The following TAF5 variants were observed in gnomAD, a reference collection of about 807,000 sequenced individuals.
TAF5 encodes transcription initiation factor TFIID subunit 5.
TAF5 carries 20 observed loss-of-function variants against 80.9 expected under a neutral mutation model. The ratio of observed to expected loss-of-function variants is 0.25; its 90% CI spans 0.17 to 0.36. TAF5 has a LOEUF of 0.36. TAF5 is among the 10% of genes least tolerant of loss of function. The probability of loss-of-function intolerance (pLI) is 1.00; values close to 1 mark genes in which losing one functional copy is unlikely to be tolerated. For synonymous variants in TAF5, 388 were observed against 406.4 expected (o/e 0.95, Z 0.55); for missense variants, 863 against 1,029.4 (o/e 0.84, Z 2.21).
At position 103,378,278 on chromosome 10, in the gene TAF5, G is replaced by A. The variant is rs980402587; in HGVS notation, c.841G>A (p.Val281Ile). Residue 281 changes from valine (V) to isoleucine (I), a missense_variant, in exon 3 of 11, where the codon GTA becomes ATA. By Grantham distance (29) the Val-to-Ile change is conservative. This residue lies in a region of TAF5 where 128 missense variants were observed against 232.2 expected (regional missense o/e 0.55). Coordinates refer to ENST00000369839, the MANE Select transcript of TAF5 (RefSeq NM_006951.5). This position sits in a 1 kb window ranked among gnomAD's most constrained non-coding sequence, Gnocchi z 4.1. ...QECYYQDDLRVLSSLTKKEHM... is the reference protein window; with the variant it reads ...QECYYQDDLRILSSLTKKEHM... ...ATGTTATTACCAGGATGACCTACGA[G>A]TATTATCTAGTCTTACCAAAAAGGA... is the stretch of plus-strand genomic sequence containing the variant. 2.5e-6 allele frequency: 4 copies of A among 1,614,038 alleles called. No individual in the cohort carries two copies. In the African/African-American group the frequency reaches 5.3e-5, roughly 22 times the overall value.
intron 8 of TAF5, among the ~76,000 whole-genome samples, chr10:103,386,623 C>T (rs1019481047): frequency 2.6e-5 from 4 of 150,982 alleles, no homozygotes; most frequent in East Asian, 3.9e-4. Context: ...TTGCTGGAAC[C>T]GAGTTTGAAT....
chr10:103,368,125 G>GGCGGCGGCGGGAACGTT lies in TAF5; in HGVS notation c.143_159dup (p.Ser54AlafsTer96). 1 of 1,399,630 alleles carries GGCGGCGGCGGGAACGTT rather than the reference G, an allele frequency of 7.1e-7. No individual in the cohort carries two copies. The allele number at this position is 1,399,630 out of a possible 1,614,324, so 86.7% of individuals were successfully genotyped here. Reference sequence around the variant, plus strand: ...CGGCACTACCAACAACGGCCCCAACGGCGGCGGCGGGAACGTTGCGGCGTC... The same window carrying GGCGGCGGCGGGAACGTT: ...CGGCACTACCAACAACGGCCCCAACGGCGGCGGCGGGAACGTTGCGGCGGCGGGAACGTTGCGGCGTC... On this transcript the variant is annotated frameshift_variant, in exon 1 of 11. Coordinates refer to ENST00000369839, the MANE Select transcript of TAF5 (RefSeq NM_006951.5). LOFTEE classifies it high-confidence loss of function.
rs2093374365 is a variant in TAF5 at position 103,378,359 on chromosome 10, C to T, written c.922C>T (p.Arg308Cys). 1 of 1,614,076 alleles carries T rather than the reference C, an allele frequency of 6.2e-7. No individual in the cohort carries two copies. The highest frequency in any genetic ancestry group is 8.5e-7 in the Non-Finnish European group (1 of 1,180,018). Residue 308 changes from arginine (R) to cysteine (C), a missense_variant, in exon 3 of 11, where the codon CGT becomes TGT. By Grantham distance (180) the Arg-to-Cys change is radical. Coordinates refer to ENST00000369839, the MANE Select transcript of TAF5 (RefSeq NM_006951.5). This position sits in a 1 kb window ranked among gnomAD's most constrained non-coding sequence, Gnocchi z 4.1. ...LDFRTSKFVL[R>C]ISRDSYQLLK... ...TTTTCGAACAAGTAAATTTGTTCTGCGTATTTCCCGTGACTCGTACCAACT... is the reference window on the plus strand; with the variant it reads ...TTTTCGAACAAGTAAATTTGTTCTGTGTATTTCCCGTGACTCGTACCAACT...
intron 1 of TAF5, 60 bp downstream of exon 1, chr10:103,368,608 A>C (rs1199710762): frequency 5.6e-6 from 8 of 1,433,966 alleles, no homozygotes; most frequent in African/African-American, 4.4e-5. Flanking sequence ...CCGGTAAGGC[A>C]GGGGCTGGCA....
chr10:103,387,435 A>G, intron 9 of TAF5, 83 bp downstream of exon 9: 1 of 1,549,202 alleles, frequency 6.5e-7, no homozygotes, highest in African/African-American at 1.4e-5. Flanking sequence ...CATAAATTTT[A>G]AAGATACCAT....
At chr10:103,380,931 T>G (rs1414555013) in intron 5 of TAF5, among the ~76,000 whole-genome samples, 7 of 151,814 alleles carry the variant, frequency 4.6e-5, no homozygotes, top group Non-Finnish European at 1.0e-4. Context: ...ATATAAACCT[T>G]ATTTTATTTT....
At chr10:103,373,972 T>C (rs2133625732) in intron 2 of TAF5, among the ~76,000 whole-genome samples, 1 of 152,138 alleles carries the variant, frequency 6.6e-6, no homozygotes, top group East Asian at 1.9e-4. Flanking sequence ...TGGTATACTA[T>C]GAAGCTGGGA....
chr10:103,373,231 G>A, intron 1 of TAF5, 127 bp from the exon 2 acceptor site: 1 of 745,630 alleles, frequency 1.3e-6, no homozygotes, highest in South Asian at 1.8e-5. Context: ...ATTGTGTTGA[G>A]GAAGAGACAG....
At chr10:103,375,711 G>A (rs2093368770) in intron 2 of TAF5, among the ~76,000 whole-genome samples, 1 of 151,952 alleles carries the variant, frequency 6.6e-6, no homozygotes, top group African/African-American at 2.4e-5. Flanking sequence ...GAGATACACA[G>A]GAAGAAAACC....
chr10:103,383,506 G>C, intron 7 of TAF5, 139 bp downstream of exon 7: 1 of 823,222 alleles, frequency 1.2e-6, no homozygotes, highest in Non-Finnish European at 1.7e-6. Flanking sequence ...TCATCTTTTA[G>C]AATCTTGCCA....
chr10:103,380,713 C>G (rs2093380852), intron 5 of TAF5, among the ~76,000 whole-genome samples: 1 of 150,328 alleles, frequency 6.7e-6, no homozygotes, highest in South Asian at 2.1e-4. Flanking sequence ...CTCCCGGGTT[C>G]AAACGATTCT....
chr10:103,387,956 A>C, intron 10 of TAF5, 50 bp from the exon 11 acceptor site: 1 of 1,540,248 alleles, frequency 6.5e-7, no homozygotes, highest in Non-Finnish European at 8.9e-7. Context: ...AAAATGTCCG[A>C]ATGTAAATAT....
chr10:103,382,053 G>A (rs1267460380), intron 6 of TAF5, among the ~76,000 whole-genome samples: 2 of 152,142 alleles, frequency 1.3e-5, no homozygotes, highest in Non-Finnish European at 2.9e-5. Flanking sequence ...TTTCTCATCT[G>A]TAGAATGAGT....
intron 1 of TAF5, among the ~76,000 whole-genome samples, chr10:103,372,421 A>G (rs1399592337): frequency 7.0e-6 from 1 of 143,348 alleles, no homozygotes; most frequent in Non-Finnish European, 1.5e-5. Flanking sequence ...TGCATCCTCC[A>G]CCTCCCGAGT....
Position 103,373,467 on chromosome 10 carries a change from C to G in TAF5, c.669C>G (p.His223Gln), listed in dbSNP as rs201585508. Reference protein sequence around the residue: ...MYEEYYSGLKHFIECSLDCHR... With the variant: ...MYEEYYSGLKQFIECSLDCHR... ...AAGAATACTATAGTGGACTGAAACACTTCATTGAATGTTCCCTGGACTGCC... is the reference window on the plus strand; with the variant it reads ...AAGAATACTATAGTGGACTGAAACAGTTCATTGAATGTTCCCTGGACTGCC... The change falls in exon 2 of 11, where the codon CAC becomes CAG. Residue 223 changes from histidine to glutamine, a missense_variant. This residue lies in a region of TAF5 where 367 missense variants were observed against 335.5 expected (regional missense o/e 1.09). Transcript: ENST00000369839. 52 of 1,614,092 alleles carry G rather than the reference C, an allele frequency of 3.2e-5. No individual in the cohort carries two copies. The highest frequency in any genetic ancestry group is 7.6e-6 in the Non-Finnish European group (9 of 1,180,050).
At chr10:103,385,632 T>C (rs1592096084) in intron 8 of TAF5, 142 bp downstream of exon 8, 4 of 1,036,326 alleles carry the variant, frequency 3.9e-6, no homozygotes, top group East Asian at 2.7e-5. Context: ...TTATAACTTA[T>C]TTGAAATTGG....
At position 103,368,204 on chromosome 10, in the gene TAF5, C is replaced by T. The variant is rs759573716; in HGVS notation, c.215C>T (p.Ala72Val). ...CCCAAGCCCACGGTGGCTGTCTCCG[C>T]CGCTGCCCCGGCGGGGGCGGCCCCG... is the stretch of plus-strand genomic sequence containing the variant. ...GTPKPTVAVSAAAPAGAAPVP... is the reference protein window; with the variant it reads ...GTPKPTVAVSVAAPAGAAPVP... The change falls in exon 1 of 11, where the codon GCC (alanine) becomes GTC (valine). Residue 72 changes from alanine (A) to valine (V), a missense_variant. Transcript: ENST00000369839. 2.0e-4 allele frequency: 282 copies of T among 1,405,308 alleles called. 1 individual carries two copies. Among genetic ancestry groups the T allele is most frequent in the Non-Finnish European group, 2.4e-4 (261 of 1,080,884 alleles). 87.1% of individuals were successfully genotyped at this position (1,405,308 alleles called of 1,614,324 possible). A position where few individuals can be genotyped will look rare whatever the true frequency, so the allele number is the denominator to read the frequency against.
chr10:103,377,558 T>G (rs954738932), intron 2 of TAF5, among the ~76,000 whole-genome samples: 3 of 152,218 alleles, frequency 2.0e-5, no homozygotes, highest in Non-Finnish European at 2.9e-5. Flanking sequence ...AAAGTACATT[T>G]AAGTTTACTA....
rs1350789630 is a variant in TAF5, at chr10:103,374,342, G to A, written c.797+747G>A. ...GGTGTGGTGGGTTCTTCATTACCAG[G>A]GCCCCAAGCTCCCTCGGTCTTGTTG... On this transcript the variant is annotated intron_variant, in intron 2 of 10. Transcript: ENST00000369839. The surrounding 1 kb of genome is among the most constrained non-coding windows in gnomAD (Gnocchi z 4.3). Among the ~76,000 whole-genome samples, 1 of 152,088 alleles carries A rather than the reference G, an allele frequency of 6.6e-6. No individual in the cohort carries two copies. Among genetic ancestry groups the A allele is most frequent in the Non-Finnish European group, 1.5e-5 (1 of 68,004 alleles).
Sources: gnomAD v4.1 joint callset for allele counts (sites outside exome capture counted in the v4.1 genomes callset) on GRCh38, gnomAD v4.1.1 for gene constraint, gnomAD v4.1.1 regional missense constraint, Gnocchi (gnomAD v3.1) non-coding constraint, MANE v1.5 for transcripts, NCBI Gene and HGNC (gene_info 2026-07-23, HGNC 2026-07-21) for gene names.